Variants in ARRB1 observed in about 807,000 individuals in gnomAD.
The protein encoded by ARRB1 is arrestin beta 1.
ARRB1 carries 21 observed loss-of-function variants against 56.8 expected under a neutral mutation model. The ratio of observed to expected loss-of-function variants is 0.37; its 90% CI spans 0.26 to 0.53. ARRB1 has a LOEUF of 0.53. ARRB1 is among the 20% of genes least tolerant of loss of function. ARRB1 has a pLI of 0.88. For synonymous variants in ARRB1, 210 were observed against 218.6 expected (o/e 0.96, Z 0.35); for missense variants, 424 against 553.7 (o/e 0.77, Z 2.35).
chr11:75,341,219 C>G (rs1193239238), intron 1 of ARRB1, among the ~76,000 whole-genome samples: 2 of 152,070 alleles, frequency 1.3e-5, no homozygotes, highest in African/African-American at 2.4e-5. Flanking sequence ...CTCACTGCAA[C>G]CTTCACCTCC....
chr11:75,273,018 C>T, intron 11 of ARRB1, 40 bp from the exon 12 acceptor site: 1 of 1,596,328 alleles, frequency 6.3e-7, no homozygotes, highest in African/African-American at 1.3e-5. Context: ...GGGGCCTTGC[C>T]AGGTGGGCGA....
At chr11:75,280,352 C>A (rs1411822421) in intron 7 of ARRB1, among the ~76,000 whole-genome samples, 3 of 152,240 alleles carry the variant, frequency 2.0e-5, no homozygotes, top group African/African-American at 7.2e-5. Context: ...GCAAACTCAG[C>A]CCACGCCCTA....
chr11:75,329,277 T>C (rs562207794), intron 1 of ARRB1, among the ~76,000 whole-genome samples: 7 of 152,194 alleles, frequency 4.6e-5, no homozygotes, highest in African/African-American at 1.7e-4. Flanking sequence ...ATTTTTTGTA[T>C]TTTTTATAGA....
intron 1 of ARRB1, among the ~76,000 whole-genome samples, chr11:75,335,360 G>A (rs1275831327): frequency 6.6e-6 from 1 of 152,166 alleles, no homozygotes; most frequent in Non-Finnish European, 1.5e-5. Context: ...TGAGACGGGA[G>A]GATTGCTCGA....
intron 1 of ARRB1, 79 bp from the exon 2 acceptor site, chr11:75,290,118 G>A: frequency 6.3e-7 from 1 of 1,579,164 alleles, no homozygotes; most frequent in Non-Finnish European, 8.7e-7. Flanking sequence ...CCTTGAGGCA[G>A]GACTGGGGAC....
At chr11:75,289,949 A>C (rs972134153) in intron 2 of ARRB1, 60 bp downstream of exon 2, 87 of 1,608,428 alleles carry the variant, frequency 5.4e-5, no homozygotes, top group Non-Finnish European at 7.1e-5. Context: ...CTGCTTCCCA[A>C]GAGAAAATGA....
chr11:75,320,271 G>C (rs1358417681), intron 1 of ARRB1, among the ~76,000 whole-genome samples: 3 of 152,176 alleles, frequency 2.0e-5, no homozygotes, highest in Admixed American at 6.5e-5. Context: ...AAGGTGGGGA[G>C]GGGGCTGGAG....
chr11:75,336,648 C>G (rs569234377), intron 1 of ARRB1, among the ~76,000 whole-genome samples: 1 of 152,260 alleles, frequency 6.6e-6, no homozygotes, highest in East Asian at 1.9e-4. Context: ...GGATGGCTGA[C>G]GACCCTCATG....
intron 1 of ARRB1, among the ~76,000 whole-genome samples, 158 bp from the exon 2 acceptor site, chr11:75,290,197 T>TA (rs1189306170): frequency 6.6e-6 from 1 of 152,212 alleles, no homozygotes; most frequent in Non-Finnish European, 1.5e-5. Context: ...AATCCGCTCT[T>TA]ACCATCTCCA....
intron 1 of ARRB1, among the ~76,000 whole-genome samples, chr11:75,304,477 G>A (rs1013687011): frequency 1.4e-4 from 21 of 152,012 alleles, no homozygotes; most frequent in Admixed American, 1.1e-3. Flanking sequence ...GGGTGCCCAC[G>A]GTGTGCTGAG....
chr11:75,270,471 T>C (rs1293663457), intron 13 of ARRB1, among the ~76,000 whole-genome samples: 4 of 152,058 alleles, frequency 2.6e-5, no homozygotes, highest in Non-Finnish European at 4.4e-5. Flanking sequence ...CTACTAAAAA[T>C]ACAAAAATTA....
chr11:75,276,864 A>C lies in ARRB1; in HGVS notation c.751T>G (p.Cys251Gly). The C allele has an allele frequency of 6.2e-7, 1 of 1,614,138 alleles. No individual in the cohort carries two copies. Among genetic ancestry groups the C allele is most frequent in the East Asian group, 2.2e-5 (1 of 44,880 alleles). ...TCAGCCTCTTCCATGGCAACAGGGC[A>C]CTTGTACTGAGCTGTGTTGAAAAGG... ...ICLFNTAQYK[C>G]PVAMEEADDT... The change falls in exon 10 of 16, where the codon TGC becomes GGC. Residue 251 changes from cysteine (C) to glycine (G), a missense_variant. Physicochemically the swap from Cys to Gly is radical, Grantham distance 159. Transcript: ENST00000420843.
chr11:75,345,911 G>C (rs1315232775), intron 1 of ARRB1, among the ~76,000 whole-genome samples: 1 of 152,142 alleles, frequency 6.6e-6, no homozygotes, highest in African/African-American at 2.4e-5. Flanking sequence ...GCATCTCCTG[G>C]GGAAGCAGAC....
chr11:75,345,209 G>A (rs572197889), intron 1 of ARRB1, among the ~76,000 whole-genome samples: 1 of 152,288 alleles, frequency 6.6e-6, no homozygotes, highest in East Asian at 1.9e-4. Context: ...CAGGTCTCCT[G>A]GGAAGGAACA....
intron 1 of ARRB1, among the ~76,000 whole-genome samples, chr11:75,316,121 A>C (rs575452867): frequency 6.6e-6 from 1 of 152,172 alleles, no homozygotes; most frequent in Non-Finnish European, 1.5e-5. Context: ...TGAGATCAGG[A>C]GTTCAAGACC....
chr11:75,306,552 C>A, intron 1 of ARRB1: 2 of 1,240,292 alleles, frequency 1.6e-6, no homozygotes, highest in Non-Finnish European at 2.1e-6. Flanking sequence ...GAAAGTCTTA[C>A]CCCATTTTAC....
In ARRB1 at chr11:75,309,328, C is replaced by A. The variant is rs532564478; in HGVS notation, c.21-19289G>T. 6.2e-4 allele frequency among the ~76,000 whole-genome samples: 94 copies of A among 152,376 alleles called. No individual in the cohort carries two copies. In the South Asian group the frequency reaches 0.019, roughly 30 times the overall value. On this transcript the variant is annotated intron_variant, in intron 1 of 15. Transcript: ENST00000420843. ...TTCACACCCCTGCCTTGGTGGGAAT[C>A]ATTCATTTGAGAACTTGCCCCCCAG...
intron 4 of ARRB1, 114 bp downstream of exon 4, chr11:75,284,121 T>G: frequency 3.6e-6 from 4 of 1,107,646 alleles, no homozygotes; most frequent in Non-Finnish European, 5.1e-6. Context: ...TGTAGAGGTA[T>G]TTGTTGGGGC....
At chr11:75,349,335 A>G (rs1016674923) in intron 1 of ARRB1, among the ~76,000 whole-genome samples, 2 of 152,224 alleles carry the variant, frequency 1.3e-5, no homozygotes, top group Non-Finnish European at 1.5e-5. Context: ...GCTCCAGTTT[A>G]CAGATGGGAA....
Sources: allele counts gnomAD v4.1 joint callset (sites outside exome capture counted in the v4.1 genomes callset), GRCh38; gene constraint gnomAD v4.1.1; transcripts MANE v1.5; gene names NCBI Gene and HGNC (gene_info 2026-07-23, HGNC 2026-07-21).